ARK2N: variants seen among roughly 807,000 people sequenced by gnomAD.
The protein encoded by ARK2N is protein ARK2N.
chr18:46,217,561 T>A, the ARK2N span: 2 of 152,188 alleles, frequency 1.3e-5, no homozygotes, highest in Non-Finnish European at 2.9e-5. Context: ...AAGCTTTCTG[T>A]TTCTACATGT....
chr18:46,186,747 A>G, the ARK2N span, among the ~76,000 whole-genome samples: 1 of 151,748 alleles, frequency 6.6e-6, no homozygotes, highest in East Asian at 1.9e-4. Flanking sequence ...TGACCTCGTG[A>G]TCCGCCCACC....
chr18:46,253,771 A>G, the ARK2N span: 1 of 1,613,684 alleles, frequency 6.2e-7, no homozygotes, highest in African/African-American at 1.3e-5. Flanking sequence ...AGAAATTAAC[A>G]TTGCGTCTTC....
At chr18:46,233,316 A>G in the ARK2N span, among the ~76,000 whole-genome samples, 1 of 152,268 alleles carries the variant, frequency 6.6e-6, no homozygotes, top group Non-Finnish European at 1.5e-5. Context: ...GATGTGGCTA[A>G]TATATCTAAA....
the ARK2N span, among the ~76,000 whole-genome samples, chr18:46,176,480 ACT>A: frequency 1.3e-5 from 2 of 148,380 alleles, no homozygotes; most frequent in Non-Finnish European, 3.0e-5. Flanking sequence ...TTTTAAAGAC[ACT>A]CTTGCTCTGT....
At chr18:46,184,145 C>G in the ARK2N span, among the ~76,000 whole-genome samples, 1 of 152,178 alleles carries the variant, frequency 6.6e-6, no homozygotes, top group Non-Finnish European at 1.5e-5. Flanking sequence ...TGCCTACCAC[C>G]ACGCTTGGCT....
the ARK2N span, among the ~76,000 whole-genome samples, chr18:46,231,590 T>TA: frequency 1.3e-3 from 132 of 101,242 alleles, 1 homozygote; most frequent in Admixed American, 2.8e-3. Flanking sequence ...TTTTTTTTTT[T>TA]AAATCTCACT....
At chr18:46,231,189 T>G in the ARK2N span, among the ~76,000 whole-genome samples, 1 of 152,216 alleles carries the variant, frequency 6.6e-6, no homozygotes, top group Non-Finnish European at 1.5e-5. Flanking sequence ...ACATGAAGTT[T>G]TACTTTTTTA....
At chr18:46,209,794 C>T in the ARK2N span, among the ~76,000 whole-genome samples, 1 of 152,132 alleles carries the variant, frequency 6.6e-6, no homozygotes, top group Middle Eastern at 3.2e-3. Context: ...TGGGGTTTCA[C>T]TATGTTGGCC....
At chr18:46,202,614 C>G in the ARK2N span, among the ~76,000 whole-genome samples, 1 of 151,742 alleles carries the variant, frequency 6.6e-6, no homozygotes, top group Admixed American at 6.6e-5. Flanking sequence ...GTAGCGAAAC[C>G]CCGTCTCTAC....
At chr18:46,247,752 A>G in the ARK2N span, among the ~76,000 whole-genome samples, 4 of 152,172 alleles carry the variant, frequency 2.6e-5, no homozygotes, top group Admixed American at 1.3e-4. Flanking sequence ...CCTCACTGCA[A>G]TCTCGGCCTC....
the ARK2N span, among the ~76,000 whole-genome samples, chr18:46,252,211 A>G: frequency 1.5e-3 from 233 of 152,030 alleles, no homozygotes; most frequent in Non-Finnish European, 2.4e-3. Flanking sequence ...AAAAGGTACA[A>G]GATTTCTCAA....
At chr18:46,211,278 G>A in the ARK2N span, among the ~76,000 whole-genome samples, 28 of 151,988 alleles carry the variant, frequency 1.8e-4, no homozygotes, top group Non-Finnish European at 3.4e-4. Context: ...TTGCAAACAC[G>A]GCTCATGACA....
the ARK2N span, chr18:46,263,180 T>G: frequency 2.1e-6 from 3 of 1,448,504 alleles, no homozygotes; most frequent in Non-Finnish European, 2.8e-6. Flanking sequence ...CTTTGTGACA[T>G]GGAAGTTCAT....
the ARK2N span, among the ~76,000 whole-genome samples, chr18:46,198,925 G>T: frequency 1.3e-5 from 2 of 152,080 alleles, no homozygotes; most frequent in African/African-American, 4.8e-5. Flanking sequence ...GGACCCTGGA[G>T]ATCATTTCTA....
the ARK2N span, chr18:46,262,882 T>C: frequency 6.3e-7 from 1 of 1,576,468 alleles, no homozygotes; most frequent in African/African-American, 1.3e-5. Flanking sequence ...CTTCTGTTTT[T>C]CCTGTGGTGG....
the ARK2N span, among the ~76,000 whole-genome samples, chr18:46,259,305 A>G: frequency 6.9e-6 from 1 of 145,512 alleles, no homozygotes. Flanking sequence ...GTGCAGTGGC[A>G]CGATCTCGGC....
chr18:46,207,481 CT>C, the ARK2N span, among the ~76,000 whole-genome samples: 1 of 147,176 alleles, frequency 6.8e-6, no homozygotes, highest in Non-Finnish European at 1.5e-5. Flanking sequence ...CTTCTGCCTT[CT>C]GGGTTCAAGC....
the ARK2N span, among the ~76,000 whole-genome samples, chr18:46,185,983 G>A: frequency 6.6e-6 from 1 of 151,798 alleles, no homozygotes; most frequent in East Asian, 1.9e-4. Flanking sequence ...GTGAGACCCT[G>A]TCTCAAAGAA....
At chr18:46,196,137 C>T in the ARK2N span, among the ~76,000 whole-genome samples, 9 of 151,852 alleles carry the variant, frequency 5.9e-5, no homozygotes, top group African/African-American at 1.5e-4. Flanking sequence ...TGCGCCACCA[C>T]GCCCAGCTAA....
Sources: gnomAD v4.1 joint callset for allele counts (sites outside exome capture counted in the v4.1 genomes callset) on GRCh38, gnomAD v4.1.1 for gene constraint, MANE v1.5 for transcripts, NCBI Gene and HGNC (gene_info 2026-07-23, HGNC 2026-07-21) for gene names.